Variants in CNTN5 observed in about 807,000 individuals in gnomAD.
CNTN5 encodes contactin 5.
Under a neutral mutation model 129.1 loss-of-function variants are expected in CNTN5, and 77 were observed. The observed-to-expected ratio is 0.60, with a 90% CI of 0.50 to 0.72. The LOEUF (loss-of-function observed/expected upper bound fraction) is 0.72, where lower values mean the gene tolerates loss of function less well. Ranked by LOEUF, CNTN5 falls within the 30% of genes least tolerant of loss-of-function variation. CNTN5 has a pLI of 0.00. For missense variants in CNTN5, 1,478 were observed against 1,328.8 expected (o/e 1.11, Z -1.75); for synonymous variants, 509 against 465.6 (o/e 1.09, Z -1.20).
intron 2 of CNTN5, among the ~76,000 whole-genome samples, chr11:99,534,661 A>T (rs1180507965): frequency 6.6e-6 from 1 of 152,166 alleles, no homozygotes; most frequent in Non-Finnish European, 1.5e-5. Context: ...ATTATATATT[A>T]TTTTATATTG....
chr11:99,561,576 A>C (rs569486766), intron 3 of CNTN5, among the ~76,000 whole-genome samples: 3 of 152,288 alleles, frequency 2.0e-5, no homozygotes, highest in African/African-American at 7.2e-5. Flanking sequence ...AAGTGATTTC[A>C]TGGTGGAGAA....
Position 99,745,170 on chromosome 11 carries a change from C to T in CNTN5, c.56-74374C>T, listed in dbSNP as rs189196364. ...ATTCCCTGATGGGCATGGATTGCTG[C>T]TTTTACCTCCCTGCTCACCCTTATA... On this transcript the variant is annotated intron_variant, in intron 3 of 24. Coordinates refer to ENST00000524871, the MANE Select transcript of CNTN5 (RefSeq NM_014361.4). Among the ~76,000 whole-genome samples, 6 of 152,284 alleles carry T rather than the reference C, an allele frequency of 3.9e-5. No homozygotes were observed. The East Asian group carries it at 9.7e-4, about 25-fold the overall frequency.
At chr11:99,382,606 G>A (rs1486534893) in intron 2 of CNTN5, among the ~76,000 whole-genome samples, 2 of 151,852 alleles carry the variant, frequency 1.3e-5, no homozygotes, top group African/African-American at 4.8e-5. Context: ...ACATCCACTC[G>A]CCCTCTCTTG....
At chr11:99,741,961 A>T (rs1943901534) in intron 3 of CNTN5, among the ~76,000 whole-genome samples, 1 of 152,184 alleles carries the variant, frequency 6.6e-6, no homozygotes, top group African/African-American at 2.4e-5. Context: ...ACTAACAAGA[A>T]GAAAAGTATC....
chr11:100,154,083 C>T (rs1272940549), intron 13 of CNTN5, among the ~76,000 whole-genome samples: 2 of 151,964 alleles, frequency 1.3e-5, no homozygotes, highest in Non-Finnish European at 2.9e-5. Context: ...TTAGGTATTT[C>T]TCCTAATGCT....
Position 99,621,727 on chromosome 11 carries a change from CCTT to C in CNTN5, c.55+65462_55+65464del, listed in dbSNP as rs1459597745. On this transcript the variant is annotated intron_variant, in intron 3 of 24. Transcript: ENST00000524871. ...TGCAACTGTAACATTTCTTTATTAA[CCTT>C]CTTTTAGTAGGCAAGTTATCCTGAA... Among the ~76,000 whole-genome samples, 9 of 152,220 alleles carry C rather than the reference CCTT, an allele frequency of 5.9e-5. No individual in the cohort carries two copies. In the South Asian group the frequency reaches 1.5e-3, roughly 25 times the overall value.
chr11:99,475,784 C>T (rs1945347192), intron 2 of CNTN5, among the ~76,000 whole-genome samples: 1 of 149,910 alleles, frequency 6.7e-6, no homozygotes, highest in Non-Finnish European at 1.5e-5. Context: ...TTGTCTAATG[C>T]TTTTTTTTTC....
intron 13 of CNTN5, among the ~76,000 whole-genome samples, chr11:100,189,850 CT>C (rs925957127): frequency 6.6e-6 from 1 of 152,010 alleles, no homozygotes; most frequent in African/African-American, 2.4e-5. Flanking sequence ...TCTAGTTTGA[CT>C]TTTTTTCTAA....
intron 7 of CNTN5, among the ~76,000 whole-genome samples, chr11:99,948,548 C>T (rs1950603344): frequency 6.6e-6 from 1 of 152,186 alleles, no homozygotes; most frequent in African/African-American, 2.4e-5. Flanking sequence ...ACATCCCATG[C>T]ATATAAACCT....
chr11:99,466,647 A>G lies in CNTN5; in HGVS notation c.-70-89498A>G, dbSNP rs145987898. 5.1e-3 allele frequency among the ~76,000 whole-genome samples: 781 copies of G among 152,256 alleles called. 5 individuals carry two copies. Among genetic ancestry groups the G allele is most frequent in the African/African-American group, 0.017 (690 of 41,540 alleles). ...ATTTAATTGTTTTAATTAATGAAAT[A>G]TTAGACTGCTGTAGTCTAACTCAAG... On this transcript the variant is annotated intron_variant, in intron 2 of 24. Transcript: ENST00000524871.
At chr11:99,428,224 T>C (rs1382089750) in intron 2 of CNTN5, among the ~76,000 whole-genome samples, 1 of 151,714 alleles carries the variant, frequency 6.6e-6, no homozygotes, top group Non-Finnish European at 1.5e-5. Flanking sequence ...ACCTTTGAAT[T>C]AAACAAAAAT....
At chr11:99,647,434 A>T (rs1181322406) in intron 3 of CNTN5, among the ~76,000 whole-genome samples, 1 of 151,992 alleles carries the variant, frequency 6.6e-6, no homozygotes, top group Non-Finnish European at 1.5e-5. Context: ...TGTTTTGTTT[A>T]CTATAATCTT....
chr11:99,212,861 A>T (rs1169135692), intron 1 of CNTN5, among the ~76,000 whole-genome samples: 2 of 152,132 alleles, frequency 1.3e-5, no homozygotes, highest in Non-Finnish European at 2.9e-5. Context: ...CCCAAGTGTT[A>T]ACTGATTTAT....
chr11:100,263,397 T>A (rs995912320), intron 17 of CNTN5, among the ~76,000 whole-genome samples: 2 of 152,176 alleles, frequency 1.3e-5, no homozygotes, highest in Non-Finnish European at 2.9e-5. Context: ...TATGAAACAC[T>A]GTAATATCAG....
At chr11:99,628,750 T>C (rs1166503334) in intron 3 of CNTN5, among the ~76,000 whole-genome samples, 1 of 151,798 alleles carries the variant, frequency 6.6e-6, no homozygotes, top group Non-Finnish European at 1.5e-5. Flanking sequence ...CACAGGGAAA[T>C]AAACTGGCAT....
At chr11:99,516,591 AG>A (rs1411228665) in intron 2 of CNTN5, among the ~76,000 whole-genome samples, 1 of 152,106 alleles carries the variant, frequency 6.6e-6, no homozygotes, top group Non-Finnish European at 1.5e-5. Context: ...GCATCGAGTG[AG>A]GGTCACCAAT....
chr11:99,787,689 G>T (rs1359473846), intron 3 of CNTN5, among the ~76,000 whole-genome samples: 1 of 152,038 alleles, frequency 6.6e-6, no homozygotes, highest in South Asian at 2.1e-4. Flanking sequence ...CCAGATATGA[G>T]TCAAGATGAC....
intron 6 of CNTN5, among the ~76,000 whole-genome samples, chr11:99,902,939 T>C (rs1046236940): frequency 2.0e-5 from 3 of 152,100 alleles, no homozygotes; most frequent in African/African-American, 7.2e-5. Context: ...GTAAGATAAG[T>C]TGAAAATTGA....
chr11:99,834,830 T>C (rs976248110), intron 4 of CNTN5, among the ~76,000 whole-genome samples: 2 of 152,186 alleles, frequency 1.3e-5, no homozygotes, highest in Non-Finnish European at 1.5e-5. Flanking sequence ...TATGATTTTA[T>C]AATTTACAAG....
Sources: allele counts gnomAD v4.1 joint callset (sites outside exome capture counted in the v4.1 genomes callset), GRCh38; gene constraint gnomAD v4.1.1; transcripts MANE v1.5; gene names NCBI Gene and HGNC (gene_info 2026-07-23, HGNC 2026-07-21).